Variants in MALRD1 observed in about 807,000 individuals in gnomAD.
MALRD1 encodes the protein MAM and LDL-receptor class A domain-containing protein 1.
Under a neutral mutation model 242.1 loss-of-function variants are expected in MALRD1, and 247 were observed. The observed-to-expected ratio is 1.02, with a 90% confidence interval of 0.92 to 1.13. MALRD1 has a LOEUF of 1.13. MALRD1 is among the 50% of genes most tolerant of loss of function. The pLI, the probability that MALRD1 is intolerant of heterozygous loss-of-function variation, is 0.00. For missense variants in MALRD1, 2,989 were observed against 2,533.1 expected (o/e 1.18, Z -3.86); for synonymous variants, 995 against 866.6 (o/e 1.15, Z -2.60).
chr10:19,646,361 C>T (rs1042375541), intron 36 of MALRD1, among the ~76,000 whole-genome samples: 20 of 152,220 alleles, frequency 1.3e-4, no homozygotes, highest in Admixed American at 3.3e-4. Context: ...GGCAGCACTT[C>T]GGGAGGCCGA....
chr10:19,116,605 A>T (rs1399934702), intron 5 of MALRD1, among the ~76,000 whole-genome samples: 1 of 152,164 alleles, frequency 6.6e-6, no homozygotes, highest in Non-Finnish European at 1.5e-5. Context: ...GAGAGTCGGG[A>T]CAATTTCATT....
chr10:19,173,569 CATCT>C (rs1193267687), intron 13 of MALRD1, among the ~76,000 whole-genome samples: 4 of 152,144 alleles, frequency 2.6e-5, no homozygotes, highest in Non-Finnish European at 5.9e-5. Flanking sequence ...TTTTCCTCTC[CATCT>C]ATTATCTGAT....
chr10:19,352,128 G>A lies in MALRD1; in HGVS notation c.4272G>A (p.Arg1424=). ...NLTVEQGNFW[R]REELSLFGDE... Reference sequence around the variant, plus strand: ...CTGTAGAACAAGGCAATTTCTGGCGGAGAGAAGAACTGTCACTGTTTGGTG... The same window carrying A: ...CTGTAGAACAAGGCAATTTCTGGCGAAGAGAAGAACTGTCACTGTTTGGTG... Residue 1424 remains arginine (R), a synonymous_variant, in exon 26 of 40, where the codon CGG becomes CGA. Coordinates refer to ENST00000454679, the MANE Select transcript of MALRD1 (RefSeq NM_001142308.3). The A allele has an allele frequency of 1.3e-6, 2 of 1,550,570 alleles. No homozygotes were observed. The highest frequency in any genetic ancestry group is 1.7e-6 in the Non-Finnish European group (2 of 1,146,942).
chr10:19,400,330 G>C (rs530740335), intron 28 of MALRD1, among the ~76,000 whole-genome samples: 131 of 152,252 alleles, frequency 8.6e-4, no homozygotes, highest in Admixed American at 1.8e-3. Context: ...GAACCTCTCT[G>C]AGGTTCATGG....
chr10:19,262,823 C>T (rs1415497085), intron 19 of MALRD1, among the ~76,000 whole-genome samples: 2 of 152,152 alleles, frequency 1.3e-5, no homozygotes, highest in Non-Finnish European at 2.9e-5. Context: ...CTGCTAACTA[C>T]CTCTGTACTC....
chr10:19,341,168 A>G (rs1037311642), intron 24 of MALRD1, among the ~76,000 whole-genome samples: 1 of 151,908 alleles, frequency 6.6e-6, no homozygotes, highest in African/African-American at 2.4e-5. Context: ...GTTTTTATGA[A>G]TTGAATAGAC....
At position 19,429,335 on chromosome 10, in the gene MALRD1, C is replaced by G. The variant is rs2257745; in HGVS notation, c.4846-20972C>G. Among the ~76,000 whole-genome samples the G allele has an allele frequency of 4.0e-5, 6 of 151,898 alleles. No individual in the cohort carries two copies. In the South Asian group the frequency reaches 8.3e-4, roughly 21 times the overall value. ...CTGTAATCCCAGCACTTCAGGAGGCCGAGACAGGTGGATTGCCTGAGGTCA... is the reference window on the plus strand; with the variant it reads ...CTGTAATCCCAGCACTTCAGGAGGCGGAGACAGGTGGATTGCCTGAGGTCA... On this transcript the variant is annotated intron_variant, in intron 28 of 39. Transcript: ENST00000454679.
At chr10:19,105,620 T>A (rs1447276771) in intron 5 of MALRD1, among the ~76,000 whole-genome samples, 1 of 152,058 alleles carries the variant, frequency 6.6e-6, no homozygotes, top group Non-Finnish European at 1.5e-5. Flanking sequence ...ATGTTCTATA[T>A]GAGTGTACTA....
intron 18 of MALRD1, among the ~76,000 whole-genome samples, chr10:19,241,080 A>G (rs376284257): frequency 6.6e-6 from 1 of 152,124 alleles, no homozygotes; most frequent in Non-Finnish European, 1.5e-5. Context: ...GCCTCATAAG[A>G]TGAGTATGGA....
chr10:19,395,436 T>A (rs749607010), intron 28 of MALRD1, among the ~76,000 whole-genome samples: 4 of 152,190 alleles, frequency 2.6e-5, no homozygotes, highest in Non-Finnish European at 5.9e-5. Flanking sequence ...GGAGAGGGCT[T>A]CCAGGTCATA....
chr10:19,226,317 G>T (rs1837798636), intron 18 of MALRD1, among the ~76,000 whole-genome samples: 1 of 152,070 alleles, frequency 6.6e-6, no homozygotes, highest in Non-Finnish European at 1.5e-5. Flanking sequence ...ACTGAGGATA[G>T]AAAAGTACAT....
At chr10:19,699,233 C>T (rs1000739991) in intron 38 of MALRD1, among the ~76,000 whole-genome samples, 1 of 136,598 alleles carries the variant, frequency 7.3e-6, no homozygotes, top group Non-Finnish European at 1.5e-5. Flanking sequence ...TAATAAAGAC[C>T]ATGGTGTAAT....
intron 5 of MALRD1, 109 bp downstream of exon 5, chr10:19,104,184 T>C: frequency 1.7e-6 from 1 of 586,252 alleles, no homozygotes; most frequent in Non-Finnish European, 2.5e-6. Context: ...GATGTTTTCA[T>C]GTGGGATATT....
intron 18 of MALRD1, among the ~76,000 whole-genome samples, chr10:19,221,640 T>G (rs1293397896): frequency 6.6e-6 from 1 of 151,700 alleles, no homozygotes; most frequent in Non-Finnish European, 1.5e-5. Context: ...CATTAAAGAG[T>G]GTATGGGCAA....
intron 11 of MALRD1, among the ~76,000 whole-genome samples, chr10:19,148,788 A>ATATATATATATATATAT (rs1554797975): frequency 5.7e-5 from 5 of 88,008 alleles, no homozygotes; most frequent in African/African-American, 8.2e-5. Flanking sequence ...AAAAAAAAAA[A>ATATATATATATATATAT]ATATATATAT....
intron 33 of MALRD1, among the ~76,000 whole-genome samples, chr10:19,581,789 C>T (rs1487038676): frequency 4.2e-4 from 63 of 150,868 alleles, no homozygotes; most frequent in Middle Eastern, 3.2e-3. Flanking sequence ...CCTGAGGAAT[C>T]GCCACACTGA....
intron 32 of MALRD1, among the ~76,000 whole-genome samples, chr10:19,556,770 A>G (rs543363697): frequency 6.6e-6 from 1 of 152,286 alleles, no homozygotes; most frequent in East Asian, 1.9e-4. Context: ...ATCTGGGTGA[A>G]TATCAAGTAG....
intron 29 of MALRD1, among the ~76,000 whole-genome samples, chr10:19,454,851 T>C (rs948174405): frequency 1.3e-5 from 2 of 152,092 alleles, no homozygotes; most frequent in Non-Finnish European, 1.5e-5. Flanking sequence ...TTACTTTCTA[T>C]GCAAAAACTT....
chr10:19,143,460 G>A (rs1462131442), intron 10 of MALRD1, among the ~76,000 whole-genome samples: 1 of 152,184 alleles, frequency 6.6e-6, no homozygotes, highest in East Asian at 1.9e-4. Flanking sequence ...GCATGGACTT[G>A]TATAGCAATG....
Sources: allele counts gnomAD v4.1 joint callset (sites outside exome capture counted in the v4.1 genomes callset), GRCh38; gene constraint gnomAD v4.1.1; transcripts MANE v1.5; gene names NCBI Gene and HGNC (gene_info 2026-07-23, HGNC 2026-07-21).